DPP6: variants seen among roughly 807,000 people sequenced by gnomAD.
The protein encoded by DPP6 is dipeptidyl peptidase like 6, also known as A-type potassium channel modulatory protein DPP6.
In DPP6, 69 loss-of-function variants were observed where a neutral mutation model predicts 122.6. The ratio of observed to expected loss-of-function variants is 0.56; its 90% CI spans 0.46 to 0.69. The LOEUF (loss-of-function observed/expected upper bound fraction) is 0.69. Among genes scored for constraint, DPP6 ranks in the 30% least tolerant of loss-of-function variants. The pLI is 0.00. For missense variants in DPP6, 928 were observed against 1,116.9 expected (o/e 0.83, Z 2.41); for synonymous variants, 418 against 433.1 (o/e 0.97, Z 0.43).
chr7:153,917,830 A>G (rs1260528245), intron 1 of DPP6, among the ~76,000 whole-genome samples: 1 of 152,210 alleles, frequency 6.6e-6, no homozygotes, highest in Non-Finnish European at 1.5e-5. Context: ...AAAAGTATAC[A>G]TTACTTTTAT....
At chr7:153,953,917 A>G (rs1802337574) in intron 1 of DPP6, among the ~76,000 whole-genome samples, 1 of 152,204 alleles carries the variant, frequency 6.6e-6, no homozygotes, top group African/African-American at 2.4e-5. Context: ...CAGGAGGGAA[A>G]TGCAGGCAGG....
At chr7:154,421,401 C>A (rs2151228302) in intron 1 of DPP6, among the ~76,000 whole-genome samples, 1 of 151,754 alleles carries the variant, frequency 6.6e-6, no homozygotes, top group East Asian at 1.9e-4. Flanking sequence ...CAGCTCACTG[C>A]AACCTCCGCC....
Position 153,960,142 on chromosome 7 carries a change from A to G in DPP6, c.51+72408A>G, listed in dbSNP as rs184442767. 1.5e-3 allele frequency among the ~76,000 whole-genome samples: 233 copies of G among 150,558 alleles called. 3 individuals carry two copies. Among genetic ancestry groups the G allele is most frequent in the Non-Finnish European group, 2.1e-3 (140 of 68,020 alleles). On this transcript the variant is annotated intron_variant, in intron 1 of 25. Transcript: ENST00000404039. The stretch of plus-strand genomic sequence containing the variant: ...ATATCACTTAGATATCTGATATCAT[A>G]AAGTAAAACTTTATGAAGTTTGGGG...
chr7:154,874,372 G>A (rs190471823), intron 19 of DPP6, among the ~76,000 whole-genome samples: 1 of 152,310 alleles, frequency 6.6e-6, no homozygotes, highest in Non-Finnish European at 1.5e-5. Context: ...GCTGAGCTCG[G>A]ACGGGACCGG....
chr7:154,151,498 C>T (rs1433289068), intron 1 of DPP6, among the ~76,000 whole-genome samples: 1 of 152,196 alleles, frequency 6.6e-6, no homozygotes, highest in African/African-American at 2.4e-5. Context: ...TCATTGCTTC[C>T]AATTGTGTTC....
At chr7:154,540,695 G>T (rs957514300) in intron 4 of DPP6, 69 bp downstream of exon 4, 2 of 994,588 alleles carry the variant, frequency 2.0e-6, no homozygotes, top group South Asian at 1.6e-5. Flanking sequence ...AACAGAAAAT[G>T]ACTTTTGGTT....
the DPP6 span, among the ~76,000 whole-genome samples, chr7:153,789,490 G>A: frequency 6.6e-6 from 1 of 152,032 alleles, no homozygotes; most frequent in Non-Finnish European, 1.5e-5. Flanking sequence ...ATCTACCTAT[G>A]GCAAATAACA....
chr7:154,621,503 G>C (rs530257893), intron 5 of DPP6, among the ~76,000 whole-genome samples: 1 of 152,164 alleles, frequency 6.6e-6, no homozygotes, highest in African/African-American at 2.4e-5. Context: ...CAAGTAGCTG[G>C]GATTACAGGC....
At chr7:154,372,556 T>A (rs567675649) in intron 1 of DPP6, among the ~76,000 whole-genome samples, 6 of 152,158 alleles carry the variant, frequency 3.9e-5, no homozygotes, top group African/African-American at 1.4e-4. Flanking sequence ...CCTATTCAGA[T>A]ATGAAGTCAA....
chr7:154,170,371 T>C (rs1167626409), intron 1 of DPP6, among the ~76,000 whole-genome samples: 2 of 152,132 alleles, frequency 1.3e-5, no homozygotes, highest in Admixed American at 6.6e-5. Flanking sequence ...AGTCCTAACT[T>C]CCCTCTCCAC....
the DPP6 span, among the ~76,000 whole-genome samples, chr7:153,801,029 T>C: frequency 6.6e-6 from 1 of 151,582 alleles, no homozygotes; most frequent in Non-Finnish European, 1.5e-5. Flanking sequence ...TTCTATTGCT[T>C]AGTTTAAGCT....
chr7:154,480,703 C>G (rs1023500943), intron 3 of DPP6, among the ~76,000 whole-genome samples: 4 of 152,126 alleles, frequency 2.6e-5, no homozygotes, highest in African/African-American at 9.7e-5. Flanking sequence ...CATATGTCAT[C>G]AGACAAACCT....
intron 2 of DPP6, among the ~76,000 whole-genome samples, chr7:154,470,817 C>T (rs949837131): frequency 1.3e-5 from 2 of 152,186 alleles, no homozygotes; most frequent in African/African-American, 4.8e-5. Context: ...GGGATGAAAT[C>T]CAAACAGTGA....
intron 1 of DPP6, among the ~76,000 whole-genome samples, chr7:153,928,125 T>C (rs1415895821): frequency 6.6e-6 from 1 of 152,020 alleles, no homozygotes. Flanking sequence ...ACAGCAGAAA[T>C]TTATTTCTCA....
chr7:154,062,240 A>C (rs189739897), intron 1 of DPP6, among the ~76,000 whole-genome samples: 1 of 92,204 alleles, frequency 1.1e-5, no homozygotes, highest in Non-Finnish European at 2.3e-5. Context: ...AGAAAGTTCA[A>C]ATCTTCTGAC....
intron 1 of DPP6, among the ~76,000 whole-genome samples, chr7:154,177,658 T>C (rs1297306596): frequency 6.6e-6 from 1 of 152,228 alleles, no homozygotes; most frequent in African/African-American, 2.4e-5. Context: ...CTTTTTAAAA[T>C]AATCATCTGT....
chr7:154,077,980 G>C (rs908173215), intron 1 of DPP6, among the ~76,000 whole-genome samples: 9 of 152,002 alleles, frequency 5.9e-5, no homozygotes, highest in African/African-American at 2.2e-4. Context: ...ATAGATTATA[G>C]ATATAATTTT....
rs190524363 is a variant in DPP6 at position 154,584,665 on chromosome 7, A to T, written c.627+17749A>T. Among the ~76,000 whole-genome samples, 15 of 152,310 alleles carry T rather than the reference A, an allele frequency of 9.8e-5. No homozygotes were observed. The East Asian group carries it at 2.9e-3, about 29-fold the overall frequency. On this transcript the variant is annotated intron_variant, in intron 5 of 25. Transcript: ENST00000377770. ...TCCAGGATTTTACCTTCTTAAATGC[A>T]CTTCTGTTAAGCTGTGCATGTAAGA...
At chr7:154,136,489 C>T (rs1263045084) in intron 1 of DPP6, among the ~76,000 whole-genome samples, 3 of 152,146 alleles carry the variant, frequency 2.0e-5, no homozygotes, top group Admixed American at 6.5e-5. Flanking sequence ...TGAAAAGGTG[C>T]GCGGTGCATT....
Sources: gnomAD v4.1 joint callset for allele counts (sites outside exome capture counted in the v4.1 genomes callset) on GRCh38, gnomAD v4.1.1 for gene constraint, MANE v1.5 for transcripts, NCBI Gene and HGNC (gene_info 2026-07-23, HGNC 2026-07-21) for gene names.